The following SCAPER variants were observed in gnomAD, a reference collection of about 807,000 sequenced individuals.
SCAPER encodes S phase cyclin A-associated protein in the endoplasmic reticulum.
SCAPER carries 98 observed loss-of-function variants against 182.2 expected under a neutral mutation model. The observed-to-expected ratio is 0.54, with a 90% CI of 0.46 to 0.64. The LOEUF (loss-of-function observed/expected upper bound fraction) is 0.64. Ranked by LOEUF, SCAPER falls within the 30% of genes least tolerant of loss-of-function variation. The pLI, the probability that SCAPER is intolerant of heterozygous loss-of-function variation, is 0.00. For missense variants in SCAPER, 1,432 were observed against 1,690.0 expected (o/e 0.85, Z 2.68); for synonymous variants, 605 against 564.6 (o/e 1.07, Z -1.01).
intron 1 of SCAPER, among the ~76,000 whole-genome samples, chr15:76,887,445 C>G (rs1048163434): frequency 6.6e-6 from 1 of 152,186 alleles, no homozygotes; most frequent in Non-Finnish European, 1.5e-5. Flanking sequence ...GGTACACTCT[C>G]GCCCAAATAC....
At chr15:76,486,261 T>C (rs283788) in intron 24 of SCAPER, among the ~76,000 whole-genome samples, 147,907 of 152,240 alleles carry the variant, frequency 0.97, 71,980 homozygotes, top group South Asian at 1. Flanking sequence ...TATAAAGAAC[T>C]CTGGAAGACA....
intron 29 of SCAPER, among the ~76,000 whole-genome samples, chr15:76,367,848 C>T (rs958823643): frequency 1.3e-5 from 2 of 152,118 alleles, no homozygotes; most frequent in Admixed American, 6.5e-5. Flanking sequence ...GTTCACTCAT[C>T]AGAAGTCTCA....
At chr15:76,853,798 T>C (rs1464353406) in intron 4 of SCAPER, among the ~76,000 whole-genome samples, 2 of 152,108 alleles carry the variant, frequency 1.3e-5, no homozygotes, top group African/African-American at 4.8e-5. Flanking sequence ...TTCAATACAG[T>C]ATTGGAAGTC....
At chr15:76,719,153 T>C (rs1170546490) in intron 17 of SCAPER, among the ~76,000 whole-genome samples, 1 of 152,166 alleles carries the variant, frequency 6.6e-6, no homozygotes, top group Admixed American at 6.6e-5. Context: ...GGAAACTAAG[T>C]GTCCATCAAA....
In SCAPER at chr15:76,348,452, T is replaced by C. The variant is rs1045744017; in HGVS notation, c.*181A>G. On this transcript the variant is annotated 3_prime_UTR_variant, in exon 32 of 32. Transcript: ENST00000563290. ...AATGAAATAAACTCAACTTGCAAAA[T>C]TAGCAAGTAGAACATTCAAGTATCT... The C allele has an allele frequency of 8.2e-5, 35 of 424,734 alleles. No homozygotes were observed. The highest frequency in any genetic ancestry group is 8.1e-5 in the Non-Finnish European group (19 of 234,546). The allele number at this position is 424,734 out of a possible 1,614,324, so 26.3% of individuals were successfully genotyped here.
chr15:76,882,065 A>T (rs2073576297), intron 2 of SCAPER, among the ~76,000 whole-genome samples: 1 of 152,146 alleles, frequency 6.6e-6, no homozygotes, highest in Non-Finnish European at 1.5e-5. Flanking sequence ...CTAAAAATCA[A>T]AAAGAAGCTG....
At chr15:76,640,272 G>A (rs2053995326) in intron 21 of SCAPER, among the ~76,000 whole-genome samples, 3 of 152,170 alleles carry the variant, frequency 2.0e-5, no homozygotes, top group Admixed American at 6.5e-5. Flanking sequence ...TATATGGATG[G>A]GAGATAGAAT....
At chr15:76,651,388 G>A (rs1228358003) in intron 21 of SCAPER, among the ~76,000 whole-genome samples, 1 of 151,834 alleles carries the variant, frequency 6.6e-6, no homozygotes, top group African/African-American at 2.4e-5. Context: ...CTAACTCAAT[G>A]CAAGCACAAG....
At chr15:76,401,141 T>C (rs927239287) in intron 27 of SCAPER, among the ~76,000 whole-genome samples, 2 of 152,098 alleles carry the variant, frequency 1.3e-5, no homozygotes, top group Admixed American at 6.6e-5. Flanking sequence ...ATGATATGTA[T>C]ATGTATATGA....
At chr15:76,777,435 A>G (rs79485298) in intron 8 of SCAPER, among the ~76,000 whole-genome samples, 3,265 of 152,338 alleles carry the variant, frequency 0.021, 41 homozygotes, top group South Asian at 0.034. Context: ...GTGGTGGCAC[A>G]TGCCTGTAAT....
intron 19 of SCAPER, among the ~76,000 whole-genome samples, chr15:76,702,572 C>T (rs760885846): frequency 3.3e-4 from 50 of 152,024 alleles, no homozygotes; most frequent in Non-Finnish European, 6.2e-4. Context: ...CTCAGCCTCC[C>T]GAGTACCTGG....
At chr15:76,496,205 G>C (rs550981933) in intron 24 of SCAPER, among the ~76,000 whole-genome samples, 221 of 147,600 alleles carry the variant, frequency 1.5e-3, no homozygotes, top group Non-Finnish European at 3.0e-3. Context: ...TTGGTGAAAT[G>C]TTTAAGTTTC....
intron 24 of SCAPER, among the ~76,000 whole-genome samples, chr15:76,495,342 A>T (rs1597020177): frequency 6.6e-6 from 1 of 151,958 alleles, no homozygotes; most frequent in Non-Finnish European, 1.5e-5. Context: ...CTTTGGGAGG[A>T]CGAGGCAGGT....
intron 7 of SCAPER, chr15:76,797,478 C>T (rs909110690): frequency 9.9e-5 from 15 of 152,104 alleles, no homozygotes; most frequent in Non-Finnish European, 1.9e-4. Flanking sequence ...TCAAGAAGGC[C>T]ACACACATAT....
intron 4 of SCAPER, among the ~76,000 whole-genome samples, chr15:76,843,615 T>C (rs1405705663): frequency 6.6e-6 from 1 of 152,158 alleles, no homozygotes; most frequent in African/African-American, 2.4e-5. Flanking sequence ...CATAAACTAA[T>C]GGCAATAATT....
intron 25 of SCAPER, among the ~76,000 whole-genome samples, chr15:76,445,965 T>C (rs542757552): frequency 6.6e-6 from 1 of 152,226 alleles, no homozygotes; most frequent in South Asian, 2.1e-4. Context: ...TAATATCCAC[T>C]CTTACTGCAC....
chr15:76,841,603 C>T (rs751192938), intron 5 of SCAPER, 131 bp downstream of exon 5: 15 of 876,750 alleles, frequency 1.7e-5, no homozygotes, highest in Admixed American at 2.8e-5. Context: ...GCCAAGATCG[C>T]GTCACTACAC....
chr15:76,858,122 C>T (rs527459534), intron 3 of SCAPER, among the ~76,000 whole-genome samples: 1 of 152,260 alleles, frequency 6.6e-6, no homozygotes, highest in East Asian at 1.9e-4. Context: ...TATTGAATAC[C>T]TTTCTCTGAA....
chr15:76,350,476 T>C (rs2040469697), intron 31 of SCAPER: 1 of 151,960 alleles, frequency 6.6e-6, no homozygotes. Context: ...GCTGGGAGTG[T>C]ACCTCTAAAT....
Sources: allele counts gnomAD v4.1 joint callset (sites outside exome capture counted in the v4.1 genomes callset), GRCh38; gene constraint gnomAD v4.1.1; transcripts MANE v1.5; gene names NCBI Gene and HGNC (gene_info 2026-07-23, HGNC 2026-07-21).